The following RTN4RL1 variants were observed in gnomAD, a reference collection of about 807,000 sequenced individuals.
RTN4RL1 encodes the protein reticulon 4 receptor like 1.
RTN4RL1 carries 7 observed loss-of-function variants against 25.6 expected under a neutral mutation model. That is an observed-to-expected ratio of 0.27 (90% CI 0.16 to 0.51). The LOEUF (loss-of-function observed/expected upper bound fraction) is 0.51, where lower values mean the gene tolerates loss of function less well. Among genes scored for constraint, RTN4RL1 ranks in the 20% least tolerant of loss-of-function variants. The pLI, the probability that RTN4RL1 is intolerant of heterozygous loss-of-function variation, is 0.97. For missense variants in RTN4RL1, 500 were observed against 615.6 expected (o/e 0.81, Z 1.99); for synonymous variants, 297 against 288.2 (o/e 1.03, Z -0.31).
intron 1 of RTN4RL1, among the ~76,000 whole-genome samples, chr17:1,971,758 C>T (rs190911041): frequency 0.047 from 7,114 of 151,784 alleles, 296 homozygotes; most frequent in Admixed American, 0.1. Flanking sequence ...GTCAGGAGAT[C>T]GAGACCATCC....
chr17:1,966,891 C>T (rs905286823), intron 1 of RTN4RL1, among the ~76,000 whole-genome samples: 1 of 152,168 alleles, frequency 6.6e-6, no homozygotes, highest in African/African-American at 2.4e-5. Context: ...AGGGGCCCTT[C>T]CAAACCTCGC....
chr17:1,941,728 T>C (rs1915442285), intron 1 of RTN4RL1, among the ~76,000 whole-genome samples: 1 of 152,056 alleles, frequency 6.6e-6, no homozygotes, highest in African/African-American at 2.4e-5. Flanking sequence ...AGAGTAGGGA[T>C]GTCTCTGCTG....
In RTN4RL1 at chr17:1,994,487, G is replaced by A. The variant is rs1204200479; in HGVS notation, c.13+30366C>T. Reference sequence around the variant, plus strand: ...CATCCCCTGATATTCTCAATTCTCAGGTCAGAAAATGCCAAGGGGCCTGCT... The same window carrying A: ...CATCCCCTGATATTCTCAATTCTCAAGTCAGAAAATGCCAAGGGGCCTGCT... On this transcript the variant is annotated intron_variant, in intron 1 of 1. Coordinates refer to ENST00000331238, the MANE Select transcript of RTN4RL1 (RefSeq NM_178568.4). This position sits in a 1 kb window ranked among gnomAD's most constrained non-coding sequence, Gnocchi z 4.3. Among the ~76,000 whole-genome samples the A allele has an allele frequency of 6.6e-6, 1 of 152,180 alleles. No individual in the cohort carries two copies. The highest frequency in any genetic ancestry group is 2.4e-5 in the African/African-American group (1 of 41,450).
At chr17:1,948,679 G>T (rs1196832578) in intron 1 of RTN4RL1, among the ~76,000 whole-genome samples, 1 of 146,516 alleles carries the variant, frequency 6.8e-6, no homozygotes, top group Non-Finnish European at 1.5e-5. Context: ...TGGGGCAGGG[G>T]TTACCTCCGT....
Position 1,990,907 on chromosome 17 carries a change from A to C in RTN4RL1, c.13+33946T>G, listed in dbSNP as rs112621443. On this transcript the variant is annotated intron_variant, in intron 1 of 1. Coordinates refer to ENST00000331238, the MANE Select transcript of RTN4RL1 (RefSeq NM_178568.4). The stretch of plus-strand genomic sequence containing the variant: ...CTCCAAGAGAGGAGACGGTGTGCAC[A>C]CAGCCCTGCACCCACCCTTTCCTGC... 9.1e-3 allele frequency among the ~76,000 whole-genome samples: 1,384 copies of C among 152,250 alleles called. 30 individuals carry two copies. Among genetic ancestry groups the C allele is most frequent in the African/African-American group, 0.032 (1,316 of 41,546 alleles).
At chr17:1,974,882 A>G (rs1023015868) in intron 1 of RTN4RL1, among the ~76,000 whole-genome samples, 3 of 152,228 alleles carry the variant, frequency 2.0e-5, no homozygotes, top group Non-Finnish European at 4.4e-5. Flanking sequence ...ATGGTGCCTG[A>G]TGGAAGGGCA....
chr17:1,973,280 A>C (rs2066828382), intron 1 of RTN4RL1, among the ~76,000 whole-genome samples: 1 of 151,536 alleles, frequency 6.6e-6, no homozygotes, highest in African/African-American at 2.4e-5. Context: ...TGGGAGAATC[A>C]CTGGAAACCT....
chr17:1,979,928 C>T (rs891251709), intron 1 of RTN4RL1, among the ~76,000 whole-genome samples: 2 of 152,218 alleles, frequency 1.3e-5, no homozygotes, highest in Non-Finnish European at 2.9e-5. Flanking sequence ...CCCCATCCAG[C>T]CTTTTGGGAT....
At chr17:2,006,641 G>A (rs1039551425) in intron 1 of RTN4RL1, among the ~76,000 whole-genome samples, 3 of 131,534 alleles carry the variant, frequency 2.3e-5, no homozygotes, top group South Asian at 2.7e-4. Flanking sequence ...TTTGTTTTGA[G>A]ACAGTCTCTC....
intron 1 of RTN4RL1, among the ~76,000 whole-genome samples, chr17:2,010,240 T>A (rs2151325761): frequency 9.9e-6 from 1 of 100,674 alleles, no homozygotes; most frequent in South Asian, 3.8e-4. Flanking sequence ...GTAGATCACT[T>A]GAGGCCAGGA....
chr17:1,995,326 T>C (rs1233291666), intron 1 of RTN4RL1, among the ~76,000 whole-genome samples: 1 of 150,396 alleles, frequency 6.6e-6, no homozygotes. Flanking sequence ...CTCGGGAAGC[T>C]GAGGCAGGAA....
intron 1 of RTN4RL1, among the ~76,000 whole-genome samples, chr17:1,981,113 C>T (rs900252338): frequency 9.4e-5 from 14 of 149,138 alleles, no homozygotes; most frequent in Admixed American, 4.7e-4. Flanking sequence ...TTCCTGGGAG[C>T]CTCGTGCCTA....
rs1915277148 is a variant in RTN4RL1, at chr17:1,935,519, C to A, written c.*977G>T. ...GTCCCGCCGACACCTTGCCCCAGGC[C>A]CTTGGCAAGGCCAGGTCCCTTGGAG... On this transcript the variant is annotated 3_prime_UTR_variant, in exon 2 of 2. Coordinates refer to ENST00000331238, the MANE Select transcript of RTN4RL1 (RefSeq NM_178568.4). 5.5e-5 allele frequency: 54 copies of A among 985,098 alleles called. No individual in the cohort carries two copies. The highest frequency in any genetic ancestry group is 6.4e-5 in the Non-Finnish European group (53 of 829,554). 61.0% of individuals were successfully genotyped at this position (985,098 alleles called of 1,614,324 possible).
intron 1 of RTN4RL1, 27 bp downstream of exon 1, chr17:2,024,826 C>T (rs1334181793): frequency 2.6e-6 from 4 of 1,565,302 alleles, no homozygotes; most frequent in Non-Finnish European, 3.5e-6. Context: ...CATTCAACTT[C>T]AACTTGCCCC....
At chr17:1,982,597 G>C (rs549659940) in intron 1 of RTN4RL1, among the ~76,000 whole-genome samples, 4 of 150,480 alleles carry the variant, frequency 2.7e-5, no homozygotes, top group Non-Finnish European at 5.9e-5. Context: ...CTGGGGGTCA[G>C]AGCGAGACTC....
intron 1 of RTN4RL1, among the ~76,000 whole-genome samples, chr17:1,954,599 G>C (rs916684177): frequency 2.0e-5 from 3 of 151,964 alleles, no homozygotes; most frequent in Non-Finnish European, 4.4e-5. Context: ...TGTTGGCCAG[G>C]CTGGTCTCGA....
chr17:1,996,349 T>G (rs1226362088), intron 1 of RTN4RL1, among the ~76,000 whole-genome samples: 1 of 152,080 alleles, frequency 6.6e-6, no homozygotes, highest in Non-Finnish European at 1.5e-5. Context: ...CCTAAAAATC[T>G]TGGGCAGAGT....
At chr17:1,968,647 G>T (rs1438979913) in intron 1 of RTN4RL1, among the ~76,000 whole-genome samples, 1 of 151,872 alleles carries the variant, frequency 6.6e-6, no homozygotes, top group African/African-American at 2.4e-5. Flanking sequence ...CCCGGGCCTG[G>T]GGTCACACCA....
chr17:1,995,716 T>G (rs1567519620), intron 1 of RTN4RL1: 1 of 152,300 alleles, frequency 6.6e-6, no homozygotes, highest in Admixed American at 6.5e-5. Context: ...AAACAAGTCC[T>G]TATCTTCTTG....
Sources: allele counts gnomAD v4.1 joint callset (sites outside exome capture counted in the v4.1 genomes callset), GRCh38; gene constraint gnomAD v4.1.1; non-coding constraint Gnocchi (gnomAD v3.1); transcripts MANE v1.5; gene names NCBI Gene and HGNC (gene_info 2026-07-23, HGNC 2026-07-21).